INO80: variants seen among roughly 807,000 people sequenced by gnomAD.
INO80 encodes the protein INO80 complex ATPase subunit.
Under a neutral mutation model 203.4 loss-of-function variants are expected in INO80, and 20 were observed. That is an observed-to-expected ratio of 0.10 (90% confidence interval 0.07 to 0.14). INO80 has a LOEUF of 0.14. INO80 is among the 10% of genes least tolerant of loss of function. The pLI is 1.00. For missense variants in INO80, 1,419 were observed against 1,914.4 expected (o/e 0.74, Z 4.83); for synonymous variants, 726 against 685.2 (o/e 1.06, Z -0.93).
At position 41,082,006 on chromosome 15, in the gene INO80, T is replaced by G. The variant is rs528580016; in HGVS notation, c.874-933A>C. On this transcript the variant is annotated intron_variant, in intron 7 of 35. Transcript: ENST00000648947. ...GGTTCACGCCTGTAATCCCAGCACT[T>G]TGGGAGGCCGAGGCGGGTGGATCAC... 1.2e-3 allele frequency among the ~76,000 whole-genome samples: 181 copies of G among 152,036 alleles called. 1 individual carries two copies. The highest frequency in any genetic ancestry group is 3.4e-3 in the Middle Eastern group (1 of 294).
At chr15:41,110,416 T>A (rs533197716) in intron 1 of INO80, among the ~76,000 whole-genome samples, 1 of 152,038 alleles carries the variant, frequency 6.6e-6, no homozygotes, top group South Asian at 2.1e-4. Flanking sequence ...GTGCTGGGAT[T>A]ACAGATTTAA....
chr15:41,100,539 A>G (rs576457565), intron 1 of INO80, among the ~76,000 whole-genome samples: 1 of 152,322 alleles, frequency 6.6e-6, no homozygotes, highest in East Asian at 1.9e-4. Context: ...GATTCATCCC[A>G]GAAATCATCT....
At chr15:41,018,494 T>C (rs1258418837) in intron 26 of INO80, 1 of 152,244 alleles carries the variant, frequency 6.6e-6, no homozygotes, top group African/African-American at 2.4e-5. Context: ...TATCTTGTTA[T>C]TGTGTAGGTG....
At chr15:41,003,106 C>T (rs759636432) in intron 28 of INO80, among the ~76,000 whole-genome samples, 22 of 150,740 alleles carry the variant, frequency 1.5e-4, no homozygotes, top group Non-Finnish European at 2.5e-4. Context: ...GGTGACAGAG[C>T]GAGACTCTGT....
intron 16 of INO80, among the ~76,000 whole-genome samples, chr15:41,057,815 A>AAAAAAG (rs2045019843): frequency 6.7e-6 from 1 of 150,166 alleles, no homozygotes; most frequent in African/African-American, 2.5e-5. Context: ...AAAAAAAAAA[A>AAAAAAG]AAAAAGAAAG....
chr15:41,068,208 G>A (rs781542709), intron 14 of INO80, among the ~76,000 whole-genome samples: 18 of 151,922 alleles, frequency 1.2e-4, no homozygotes, highest in Non-Finnish European at 2.1e-4. Flanking sequence ...GATGACTAGA[G>A]GCCAGGAGTT....
chr15:41,007,899 C>T (rs915275858), intron 27 of INO80, among the ~76,000 whole-genome samples: 15 of 152,094 alleles, frequency 9.9e-5, no homozygotes, highest in African/African-American at 1.2e-4. Context: ...GTTGGCTGGA[C>T]GAAGTGGCTC....
At chr15:41,024,623 C>T (rs1461103916) in intron 25 of INO80, 31 of 152,230 alleles carry the variant, frequency 2.0e-4, no homozygotes, top group Admixed American at 1.8e-3. Context: ...CCGCTCCAAG[C>T]GCTGCAGTAT....
chr15:40,980,732 T>C (rs1022248683), intron 35 of INO80, among the ~76,000 whole-genome samples: 2 of 152,242 alleles, frequency 1.3e-5, no homozygotes, highest in East Asian at 3.8e-4. Context: ...AGCACACATT[T>C]TACAATCTGA....
At position 41,056,517 on chromosome 15, in the gene INO80, A is replaced by T. The variant is rs1277659323; in HGVS notation, c.2070+105T>A. ...GTCTTTTATGTGGGGACTATAATTT[A>T]TACAAAGCAGTAGCACTGCAAGGGA... On this transcript the variant is annotated intron_variant, in intron 17 of 35. Transcript: ENST00000648947. 7.0e-6 allele frequency: 6 copies of T among 853,936 alleles called. No homozygotes were observed. The African/African-American group carries it at 8.5e-5, about 12-fold the overall frequency. The allele number at this position is 853,936 out of a possible 1,614,324, so 52.9% of individuals were successfully genotyped here. A position where few individuals can be genotyped will look rare whatever the true frequency, so the allele number is the denominator to read the frequency against.
At chr15:41,057,461 C>CA (rs34940669) in intron 16 of INO80, among the ~76,000 whole-genome samples, 17,651 of 117,744 alleles carry the variant, frequency 0.15, 1,835 homozygotes, top group African/African-American at 0.33. Context: ...TCCCCTGTCT[C>CA]AAAAAAAAAA....
intron 29 of INO80, among the ~76,000 whole-genome samples, chr15:40,996,332 C>G (rs1003048211): frequency 6.6e-6 from 1 of 152,086 alleles, no homozygotes; most frequent in African/African-American, 2.4e-5. Context: ...AAAGAATCCT[C>G]TTTTCTTTTT....
chr15:41,111,713 G>A (rs2045961376), intron 1 of INO80, among the ~76,000 whole-genome samples: 1 of 151,676 alleles, frequency 6.6e-6, no homozygotes, highest in Non-Finnish European at 1.5e-5. Context: ...TGAGGCAGGA[G>A]AATCACTTGA....
chr15:41,099,732 T>C (rs1411148525), intron 1 of INO80, among the ~76,000 whole-genome samples: 2 of 151,064 alleles, frequency 1.3e-5, no homozygotes, highest in African/African-American at 2.4e-5. Flanking sequence ...CAGTAAGTCA[T>C]GAACGCACCA....
chr15:41,080,031 T>C (rs779188966), intron 8 of INO80, 127 bp from the exon 9 acceptor site: 14 of 755,010 alleles, frequency 1.9e-5, no homozygotes, highest in Non-Finnish European at 3.2e-5. Context: ...ATCTTTCTCC[T>C]GCAACTTGAT....
intron 27 of INO80, among the ~76,000 whole-genome samples, chr15:41,015,711 G>T (rs2140456930): frequency 6.7e-6 from 1 of 150,374 alleles, no homozygotes; most frequent in Admixed American, 6.7e-5. Flanking sequence ...TGAGGTGGGT[G>T]GATCACTTGA....
At chr15:41,020,673 G>C (rs983106179) in intron 26 of INO80, among the ~76,000 whole-genome samples, 1 of 150,150 alleles carries the variant, frequency 6.7e-6, no homozygotes, top group Non-Finnish European at 1.5e-5. Flanking sequence ...TTCTTTCTCA[G>C]CTGTAAGCAT....
chr15:41,101,801 C>T (rs564730182), intron 1 of INO80, among the ~76,000 whole-genome samples: 29 of 152,080 alleles, frequency 1.9e-4, no homozygotes, highest in African/African-American at 7.0e-4. Context: ...CCACCCACCT[C>T]GGCCTCCCAA....
At chr15:41,004,217 C>A (rs528450241) in intron 28 of INO80, among the ~76,000 whole-genome samples, 2 of 152,280 alleles carry the variant, frequency 1.3e-5, no homozygotes, top group South Asian at 4.1e-4. Flanking sequence ...TGAAGCAGAT[C>A]TTCTCCTTAT....
Sources: allele counts gnomAD v4.1 joint callset (sites outside exome capture counted in the v4.1 genomes callset), GRCh38; gene constraint gnomAD v4.1.1; transcripts MANE v1.5; gene names NCBI Gene and HGNC (gene_info 2026-07-23, HGNC 2026-07-21).